Variants in GRM7 observed in about 807,000 individuals in gnomAD.
The protein encoded by GRM7 is metabotropic glutamate receptor 7.
GRM7 carries 35 observed loss-of-function variants against 84.5 expected under a neutral mutation model. The observed-to-expected ratio is 0.41, with a 90% confidence interval of 0.32 to 0.55. The LOEUF is 0.55. GRM7 is among the 20% of genes least tolerant of loss of function. The probability of loss-of-function intolerance (pLI) is 0.19; values close to 1 mark genes in which losing one functional copy is unlikely to be tolerated. For missense variants in GRM7, 1,003 were observed against 1,194.6 expected (o/e 0.84, Z 2.36); for synonymous variants, 487 against 455.1 (o/e 1.07, Z -0.89).
chr3:7,616,978 T>TA (rs1697113610), intron 8 of GRM7, among the ~76,000 whole-genome samples: 1 of 152,080 alleles, frequency 6.6e-6, no homozygotes, highest in African/African-American at 2.4e-5. Context: ...AAGAAAATAA[T>TA]AAAGACAAGT....
chr3:7,501,984 A>G (rs1029088416), intron 7 of GRM7, among the ~76,000 whole-genome samples: 1 of 152,164 alleles, frequency 6.6e-6, no homozygotes, highest in Non-Finnish European at 1.5e-5. Context: ...GCAGCCTTAC[A>G]TAGTGGTTCT....
At chr3:7,400,433 T>C (rs1435231733) in intron 4 of GRM7, among the ~76,000 whole-genome samples, 1 of 152,178 alleles carries the variant, frequency 6.6e-6, no homozygotes, top group East Asian at 1.9e-4. Flanking sequence ...TGACTCTTTA[T>C]ACGGCAGACC....
intron 1 of GRM7, among the ~76,000 whole-genome samples, chr3:7,011,678 T>C (rs1350451615): frequency 6.6e-6 from 1 of 152,208 alleles, no homozygotes; most frequent in Non-Finnish European, 1.5e-5. Flanking sequence ...AAGAACTTAT[T>C]TGTATAATTG....
intron 1 of GRM7, among the ~76,000 whole-genome samples, chr3:6,997,756 T>C (rs1694873465): frequency 6.6e-6 from 1 of 152,122 alleles, no homozygotes; most frequent in Non-Finnish European, 1.5e-5. Flanking sequence ...CTTAACTCAT[T>C]CCAGCATTCG....
At chr3:7,344,457 C>T (rs748751705) in intron 4 of GRM7, among the ~76,000 whole-genome samples, 9 of 151,820 alleles carry the variant, frequency 5.9e-5, no homozygotes, top group South Asian at 2.1e-4. Context: ...TATTCCATGG[C>T]GTATATGTAC....
chr3:7,399,979 C>T (rs1459661705), intron 4 of GRM7, among the ~76,000 whole-genome samples: 1 of 152,138 alleles, frequency 6.6e-6, no homozygotes, highest in South Asian at 2.1e-4. Context: ...CAAGTACCTA[C>T]CTCAGAGGTA....
intron 2 of GRM7, among the ~76,000 whole-genome samples, chr3:7,221,076 G>A (rs753453191): frequency 5.3e-5 from 8 of 152,074 alleles, no homozygotes; most frequent in African/African-American, 1.2e-4. Context: ...CAGCCTGGGC[G>A]ACAGAGTAAG....
intron 1 of GRM7, among the ~76,000 whole-genome samples, chr3:7,082,669 A>C (rs1420870821): frequency 1.3e-5 from 2 of 152,140 alleles, no homozygotes; most frequent in Non-Finnish European, 2.9e-5. Flanking sequence ...AACCCCCTGG[A>C]AATAAATTTA....
intron 1 of GRM7, among the ~76,000 whole-genome samples, chr3:7,027,873 A>G (rs984303962): frequency 6.6e-5 from 10 of 151,948 alleles, no homozygotes; most frequent in Admixed American, 1.3e-4. Flanking sequence ...GAATCTTCAC[A>G]TGGATGGTTT....
intron 1 of GRM7, among the ~76,000 whole-genome samples, chr3:7,011,041 T>C (rs893233798): frequency 1.3e-5 from 2 of 152,168 alleles, no homozygotes; most frequent in Non-Finnish European, 2.9e-5. Flanking sequence ...TCAGAATACT[T>C]AGGTTTATAT....
chr3:7,452,926 A>C, intron 6 of GRM7, 119 bp downstream of exon 6: 2 of 653,016 alleles, frequency 3.1e-6, no homozygotes, highest in South Asian at 3.9e-5. Context: ...TTGATTATAA[A>C]ACTTTAAATG....
chr3:6,938,712 A>G (rs1697779528), intron 1 of GRM7, among the ~76,000 whole-genome samples: 1 of 152,172 alleles, frequency 6.6e-6, no homozygotes, highest in Non-Finnish European at 1.5e-5. Flanking sequence ...TTTAAAGGTG[A>G]GCCACTTCTG....
At chr3:7,610,753 C>G (rs1575552921) in intron 8 of GRM7, among the ~76,000 whole-genome samples, 2 of 152,250 alleles carry the variant, frequency 1.3e-5, no homozygotes, top group East Asian at 1.9e-4. Context: ...CCCGATAGTA[C>G]CCAAGGCCAC....
intron 2 of GRM7, among the ~76,000 whole-genome samples, chr3:7,278,869 A>T (rs541043774): frequency 4.1e-4 from 62 of 152,334 alleles, no homozygotes; most frequent in African/African-American, 1.5e-3. Context: ...GAGAAGAAAC[A>T]TCAAACACAA....
chr3:7,653,864 A>G (rs1441836920), intron 8 of GRM7, among the ~76,000 whole-genome samples: 2 of 152,158 alleles, frequency 1.3e-5, no homozygotes, highest in African/African-American at 2.4e-5. Flanking sequence ...CATTTTACAG[A>G]TGTAGAAAGA....
chr3:7,161,252 C>T (rs1033983934), intron 2 of GRM7, among the ~76,000 whole-genome samples: 16 of 151,850 alleles, frequency 1.1e-4, no homozygotes, highest in Non-Finnish European at 2.9e-5. Context: ...TAGGTGTCCA[C>T]GGTTCCCTTA....
At chr3:7,275,751 C>T (rs759930396) in intron 2 of GRM7, among the ~76,000 whole-genome samples, 31 of 152,270 alleles carry the variant, frequency 2.0e-4, no homozygotes, top group Non-Finnish European at 4.1e-4. Context: ...CTTTCCCCCA[C>T]TCCCAGATGG....
At chr3:7,423,098 A>G (rs2124831742) in intron 5 of GRM7, among the ~76,000 whole-genome samples, 1 of 152,280 alleles carries the variant, frequency 6.6e-6, no homozygotes, top group South Asian at 2.1e-4. Context: ...CCAACTCTTC[A>G]AAGCATAAAA....
intron 1 of GRM7, among the ~76,000 whole-genome samples, chr3:6,870,971 T>G (rs1267826207): frequency 6.6e-6 from 1 of 152,138 alleles, no homozygotes; most frequent in African/African-American, 2.4e-5. Context: ...AATGGAGACA[T>G]TAAGAATAAT....
Sources: gnomAD v4.1 joint callset for allele counts (sites outside exome capture counted in the v4.1 genomes callset) on GRCh38, gnomAD v4.1.1 for gene constraint, MANE v1.5 for transcripts, NCBI Gene and HGNC (gene_info 2026-07-23, HGNC 2026-07-21) for gene names.